The following ERICH3 variants were observed in gnomAD, a reference collection of about 807,000 sequenced individuals.
The protein encoded by ERICH3 is glutamate-rich protein 3.
ERICH3 carries 126 observed loss-of-function variants against 131.1 expected under a neutral mutation model. That is an observed-to-expected ratio of 0.96 (90% CI 0.83 to 1.11). ERICH3 has a LOEUF of 1.11. ERICH3 is among the 50% of genes most tolerant of loss of function. The pLI is 0.00. For missense variants in ERICH3, 2,050 were observed against 1,810.7 expected (o/e 1.13, Z -2.40); for synonymous variants, 695 against 644.6 (o/e 1.08, Z -1.18).
chr1:74,644,071 A>C (rs1646459774), intron 3 of ERICH3, among the ~76,000 whole-genome samples: 1 of 120,678 alleles, frequency 8.3e-6, no homozygotes, highest in African/African-American at 2.7e-5. Flanking sequence ...TAAAAGGCAA[A>C]TTGAAATTAA....
chr1:74,607,218 T>C (rs1648443687), intron 9 of ERICH3, among the ~76,000 whole-genome samples: 1 of 152,000 alleles, frequency 6.6e-6, no homozygotes, highest in African/African-American at 2.4e-5. Context: ...ATATTTTTGG[T>C]CCTGAACAGT....
Position 74,571,538 on chromosome 1 carries a change from T to A in ERICH3, c.4172A>T (p.Asp1391Val). 6.2e-7 allele frequency: 1 copy of A among 1,614,100 alleles called. No individual in the cohort carries two copies. The highest frequency in any genetic ancestry group is 2.2e-5 in the East Asian group (1 of 44,872). Residue 1391 changes from aspartate (D) to valine (V), a missense_variant, in exon 14 of 15, where the codon GAT becomes GTT. Physicochemically the swap from Asp to Val is radical, Grantham distance 152. Coordinates refer to ENST00000326665, the MANE Select transcript of ERICH3 (RefSeq NM_001002912.5). ...AGCTGCTGTTTTTCCTACTAACTCA[T>A]CCTGTTGGTGCCAGGTTTCTTCCTC... is the stretch of plus-strand genomic sequence containing the variant. ...VAEEETWHQQDELVGKTAAAG... is the reference protein window; with the variant it reads ...VAEEETWHQQVELVGKTAAAG...
intron 5 of ERICH3, among the ~76,000 whole-genome samples, chr1:74,640,657 C>T (rs936492570): frequency 2.6e-5 from 4 of 152,082 alleles, no homozygotes; most frequent in Non-Finnish European, 5.9e-5. Flanking sequence ...CTTTACCTTC[C>T]CTCAAGCAAA....
chr1:74,646,641 A>T, intron 3 of ERICH3, 26 bp downstream of exon 3: 1 of 1,156,806 alleles, frequency 8.6e-7, no homozygotes, highest in Non-Finnish European at 1.2e-6. Flanking sequence ...AATAAAATAA[A>T]ATAAAAAATA....
chr1:74,578,960 A>C (rs1647127683), intron 12 of ERICH3, among the ~76,000 whole-genome samples: 1 of 152,216 alleles, frequency 6.6e-6, no homozygotes, highest in Non-Finnish European at 1.5e-5. Flanking sequence ...TATAGTTCAA[A>C]TATATTCTCT....
At chr1:74,589,608 C>G (rs1393928304) in intron 12 of ERICH3, 23 bp downstream of exon 12, 1 of 1,605,752 alleles carries the variant, frequency 6.2e-7, no homozygotes, top group Non-Finnish European at 8.5e-7. Flanking sequence ...ATGATGGCAG[C>G]TCAACTCAAC....
At chr1:74,575,869 G>A (rs1168516222) in intron 13 of ERICH3, among the ~76,000 whole-genome samples, 2 of 152,204 alleles carry the variant, frequency 1.3e-5, no homozygotes, top group Non-Finnish European at 2.9e-5. Flanking sequence ...CGTTCCTCAA[G>A]CAAGGGAGAA....
In ERICH3 at chr1:74,572,109, TCTC is replaced by T. The variant is rs1646961870; in HGVS notation, c.3598_3600del (p.Glu1200del). On this transcript the variant is annotated inframe_deletion, in exon 14 of 15. Coordinates refer to ENST00000326665, the MANE Select transcript of ERICH3 (RefSeq NM_001002912.5). Reference sequence around the variant, plus strand: ...CGGTGCCCTTCCTTCAGGGCCCTATTCTCCCTGCTGGACAGCTCTTCTCTGTCT... The same window carrying T: ...CGGTGCCCTTCCTTCAGGGCCCTATTCCTGCTGGACAGCTCTTCTCTGTCT... 1.9e-6 allele frequency: 3 copies of T among 1,614,096 alleles called. No individual in the cohort carries two copies. The African/African-American group carries it at 4.0e-5, about 22-fold the overall frequency.
Position 74,590,096 on chromosome 1 carries a change from G to T in ERICH3, c.1727-16C>A. 1.9e-6 allele frequency: 3 copies of T among 1,545,306 alleles called. No individual in the cohort carries two copies. The highest frequency in any genetic ancestry group is 2.6e-6 in the Non-Finnish European group (3 of 1,140,876). The stretch of plus-strand genomic sequence containing the variant: ...GTTTTCATATCTACAAAAAATAAAA[G>T]TGATGACATTGTTGTTGTTCTGTAA... On this transcript the variant is annotated splice_polypyrimidine_tract_variant and intron_variant, in intron 11 of 14. Transcript: ENST00000326665.
At chr1:74,618,486 G>A (rs1649079394) in intron 8 of ERICH3, among the ~76,000 whole-genome samples, 1 of 152,170 alleles carries the variant, frequency 6.6e-6, no homozygotes, top group East Asian at 1.9e-4. Context: ...AGGAAAATGG[G>A]GCAGAAAAGG....
intron 7 of ERICH3, chr1:74,621,775 C>T (rs1216317831): frequency 1.3e-5 from 2 of 151,934 alleles, no homozygotes; most frequent in African/African-American, 4.8e-5. Flanking sequence ...TGCCTGACCT[C>T]TACGAGGAAG....
At chr1:74,585,773 G>T in intron 12 of ERICH3, among the ~76,000 whole-genome samples, 1 of 151,938 alleles carries the variant, frequency 6.6e-6, no homozygotes, top group African/African-American at 2.4e-5. Context: ...TGCATATTTT[G>T]TGATTTTATG....
Position 74,568,295 on chromosome 1 carries a change from G to C in ERICH3, c.*2163C>G, listed in dbSNP as rs1368005470. On this transcript the variant is annotated 3_prime_UTR_variant, in exon 15 of 15. Transcript: ENST00000326665. ...ATGCAGATTGTAAAATTATGTTATGGGATGTTTTGATGGAGTGTGTTAAAT... is the reference window on the plus strand; with the variant it reads ...ATGCAGATTGTAAAATTATGTTATGCGATGTTTTGATGGAGTGTGTTAAAT... 5 of 152,016 alleles carry C rather than the reference G, an allele frequency of 3.3e-5. No homozygotes were observed. Among genetic ancestry groups the C allele is most frequent in the Non-Finnish European group, 7.4e-5 (5 of 67,956 alleles). The allele number at this position is 152,016 out of a possible 1,614,324, so 9.4% of individuals were successfully genotyped here.
chr1:74,573,514 C>G, intron 13 of ERICH3, 23 bp from the exon 14 acceptor site: 3 of 1,489,998 alleles, frequency 2.0e-6, no homozygotes, highest in African/African-American at 1.4e-5. Context: ...GGTTAGAAAT[C>G]AAGATTACTT....
At chr1:74,611,253 A>G (rs1648681762) in intron 9 of ERICH3, among the ~76,000 whole-genome samples, 1 of 152,150 alleles carries the variant, frequency 6.6e-6, no homozygotes, top group South Asian at 2.1e-4. Context: ...TGCTTCTTCC[A>G]CAGTCTCAAT....
intron 5 of ERICH3, among the ~76,000 whole-genome samples, chr1:74,639,365 A>G (rs1646418413): frequency 6.6e-6 from 1 of 152,208 alleles, no homozygotes. Context: ...ATTCAGTTAG[A>G]TGAATGTGGT....
chr1:74,636,142 G>T, intron 6 of ERICH3, 138 bp downstream of exon 6: 1 of 673,244 alleles, frequency 1.5e-6, no homozygotes, highest in Non-Finnish European at 2.2e-6. Context: ...TCACAAGTAT[G>T]TAGTAAGTGT....
At chr1:74,632,012 G>T (rs1165826038) in intron 6 of ERICH3, 84 bp from the exon 7 acceptor site, 7 of 1,228,050 alleles carry the variant, frequency 5.7e-6, no homozygotes, top group South Asian at 1.4e-5. Flanking sequence ...AAGCCTAAAT[G>T]ATTGACATTG....
chr1:74,584,151 G>A (rs1647233591), intron 12 of ERICH3, among the ~76,000 whole-genome samples: 1 of 152,142 alleles, frequency 6.6e-6, no homozygotes. Flanking sequence ...ACACAGTGAA[G>A]ATGTTCTTCT....
Sources: gnomAD v4.1 joint callset for allele counts (sites outside exome capture counted in the v4.1 genomes callset) on GRCh38, gnomAD v4.1.1 for gene constraint, MANE v1.5 for transcripts, NCBI Gene and HGNC (gene_info 2026-07-23, HGNC 2026-07-21) for gene names.